SH3PXD2A: variants seen among roughly 807,000 people sequenced by gnomAD.
SH3PXD2A encodes the protein SH3 and PX domains 2A, also known as SH3 and PX domain-containing protein 2A.
In SH3PXD2A, 32 loss-of-function variants were observed where a neutral mutation model predicts 115.2. The observed-to-expected ratio is 0.28, with a 90% CI of 0.21 to 0.37. The LOEUF (loss-of-function observed/expected upper bound fraction) is 0.37. Ranked by LOEUF, SH3PXD2A falls within the 10% of genes least tolerant of loss-of-function variation. The probability of loss-of-function intolerance (pLI) is 1.00; values close to 1 mark genes in which losing one functional copy is unlikely to be tolerated. For synonymous variants in SH3PXD2A, 610 were observed against 629.1 expected, an observed-to-expected ratio of 0.97 and a Z score of 0.45; for missense variants, 1,328 against 1,498.7, an observed-to-expected ratio of 0.89 and a Z score of 1.88.
At chr10:103,794,614 C>G (rs996470167) in intron 2 of SH3PXD2A, among the ~76,000 whole-genome samples, 1 of 152,236 alleles carries the variant, frequency 6.6e-6, no homozygotes, top group African/African-American at 2.4e-5. Flanking sequence ...GCCGCCCCTC[C>G]TCCCACCTCA....
Position 103,599,009 on chromosome 10 carries a change from C to T in SH3PXD2A, c.*2807G>A, listed in dbSNP as rs2036177798. Reference sequence around the variant, plus strand: ...CCACTTTTCCTGGATGCCTGAGCAACTCCCAGCCATCCTTGGGGCTGGATG... The same window carrying T: ...CCACTTTTCCTGGATGCCTGAGCAATTCCCAGCCATCCTTGGGGCTGGATG... On this transcript the variant is annotated 3_prime_UTR_variant, in exon 15 of 15. Transcript: ENST00000369774. The T allele has an allele frequency of 6.6e-6, 1 of 152,612 alleles. No homozygotes were observed. The highest frequency in any genetic ancestry group is 1.5e-5 in the Non-Finnish European group (1 of 68,032). The allele number at this position is 152,612 out of a possible 1,614,324, so 9.5% of individuals were successfully genotyped here.
intron 5 of SH3PXD2A, among the ~76,000 whole-genome samples, chr10:103,722,441 A>G (rs546699913): frequency 6.6e-6 from 1 of 152,000 alleles, no homozygotes; most frequent in East Asian, 1.9e-4. Flanking sequence ...ATTTCTCGCT[A>G]TTCTTTCTTC....
Position 103,603,076 on chromosome 10 carries a change from G to C in SH3PXD2A, c.2142C>G (p.Thr714=), listed in dbSNP as rs767902135. Reference sequence around the variant, plus strand: ...CAGAGCGGGGCTTCAGGTCGCCACTGGTTTTGGACAAGGAAGAGGAGGAGG... The same window carrying C: ...CAGAGCGGGGCTTCAGGTCGCCACTCGTTTTGGACAAGGAAGAGGAGGAGG... The part of the protein sequence containing the change: ...SSSSSSSLSK[T]SGDLKPRSAS... The change falls in exon 15 of 15, where the codon ACC becomes ACG. Residue 714 remains threonine, a synonymous_variant. Transcript: ENST00000369774. The C allele has an allele frequency of 6.2e-7, 1 of 1,613,540 alleles. No homozygotes were observed. Among genetic ancestry groups the C allele is most frequent in the South Asian group, 1.1e-5 (1 of 91,084 alleles).
At chr10:103,853,868 C>T (rs1344181654) in intron 1 of SH3PXD2A, among the ~76,000 whole-genome samples, 1 of 152,218 alleles carries the variant, frequency 6.6e-6, no homozygotes, top group Non-Finnish European at 1.5e-5. Context: ...AGGTTGACCA[C>T]CTGGTGACCC....
intron 1 of SH3PXD2A, among the ~76,000 whole-genome samples, chr10:103,822,977 A>C (rs779642839): frequency 1.5e-4 from 23 of 152,194 alleles, no homozygotes; most frequent in Non-Finnish European, 2.9e-4. Context: ...GAGGAAATAG[A>C]TAGGTCTCAG....
intron 8 of SH3PXD2A, among the ~76,000 whole-genome samples, chr10:103,635,088 G>T (rs1011280742): frequency 6.6e-6 from 1 of 152,200 alleles, no homozygotes; most frequent in Admixed American, 6.5e-5. Context: ...AAACTGCCTT[G>T]AGTGTGTGTG....
At chr10:103,846,148 C>T (rs557531941) in intron 1 of SH3PXD2A, among the ~76,000 whole-genome samples, 2 of 152,374 alleles carry the variant, frequency 1.3e-5, no homozygotes, top group African/African-American at 2.4e-5. Flanking sequence ...CATGGGCCTC[C>T]GCCCAGGCTT....
chr10:103,797,342 C>T (rs895919763), intron 2 of SH3PXD2A, among the ~76,000 whole-genome samples: 3 of 152,116 alleles, frequency 2.0e-5, no homozygotes, highest in Admixed American at 6.5e-5. Context: ...CTGCTCTGCA[C>T]GGTCCTAAGG....
intron 1 of SH3PXD2A, among the ~76,000 whole-genome samples, chr10:103,803,706 G>C (rs531524350): frequency 6.6e-6 from 1 of 152,294 alleles, no homozygotes; most frequent in African/African-American, 2.4e-5. Context: ...CTTTGATCAG[G>C]ACTGAATGAC....
In SH3PXD2A at chr10:103,757,148, G is replaced by A. The variant is rs898843483; in HGVS notation, c.229+9946C>T. On this transcript the variant is annotated intron_variant, in intron 3 of 14. Transcript: ENST00000369774. Reference sequence around the variant, plus strand: ...CTTGTAAAAGGACATTTAGGCATCAGGTAAGGAAAGGATGTATTTCCAGGG... The same window carrying A: ...CTTGTAAAAGGACATTTAGGCATCAAGTAAGGAAAGGATGTATTTCCAGGG... Among the ~76,000 whole-genome samples, 119 of 152,180 alleles carry A rather than the reference G, an allele frequency of 7.8e-4. 1 individual carries two copies. Among genetic ancestry groups the A allele is most frequent in the African/African-American group, 2.8e-3 (114 of 41,436 alleles).
At chr10:103,702,230 A>G (rs1030927894) in intron 5 of SH3PXD2A, among the ~76,000 whole-genome samples, 5 of 152,236 alleles carry the variant, frequency 3.3e-5, no homozygotes, top group Non-Finnish European at 5.9e-5. Flanking sequence ...TCTGTTGTAG[A>G]CCCAGTCTTG....
intron 9 of SH3PXD2A, among the ~76,000 whole-genome samples, chr10:103,622,996 C>G (rs2036630555): frequency 6.6e-6 from 1 of 152,188 alleles, no homozygotes; most frequent in African/African-American, 2.4e-5. Flanking sequence ...TCACTGAGTA[C>G]TGACTGTGAA....
chr10:103,835,853 C>G (rs1287360399), intron 1 of SH3PXD2A, among the ~76,000 whole-genome samples: 1 of 152,184 alleles, frequency 6.6e-6, no homozygotes, highest in East Asian at 1.9e-4. Flanking sequence ...TTCACTGAAG[C>G]CAGAAATCAC....
At chr10:103,819,816 T>C (rs1043337277) in intron 1 of SH3PXD2A, among the ~76,000 whole-genome samples, 11 of 150,852 alleles carry the variant, frequency 7.3e-5, no homozygotes, top group Non-Finnish European at 1.3e-4. Flanking sequence ...GGCAGTGAAA[T>C]GCGTGGGGTC....
chr10:103,808,343 CT>C (rs1484526840), intron 1 of SH3PXD2A, among the ~76,000 whole-genome samples: 1 of 152,066 alleles, frequency 6.6e-6, no homozygotes, highest in African/African-American at 2.4e-5. Flanking sequence ...CCTCCGCCTC[CT>C]GGGTTCAAGA....
Position 103,698,351 on chromosome 10 carries a change from G to A in SH3PXD2A, c.399-5295C>T, listed in dbSNP as rs78177558. 5.0e-4 allele frequency among the ~76,000 whole-genome samples: 76 copies of A among 152,364 alleles called. No individual in the cohort carries two copies. In the East Asian group the frequency reaches 0.013, roughly 25 times the overall value. ...TCACCACTCTCCCTCCCACTGGCAAGTGCCTTGGCAGAGAAGGACACACAC... is the reference window on the plus strand; with the variant it reads ...TCACCACTCTCCCTCCCACTGGCAAATGCCTTGGCAGAGAAGGACACACAC... On this transcript the variant is annotated intron_variant, in intron 5 of 14. Transcript: ENST00000369774.
chr10:103,769,504 A>C (rs2038797152), intron 2 of SH3PXD2A, among the ~76,000 whole-genome samples: 1 of 139,538 alleles, frequency 7.2e-6, no homozygotes. Context: ...GCTGGAGTGC[A>C]GTGGCACGAT....
At chr10:103,825,441 TTTA>T (rs2039421151) in intron 1 of SH3PXD2A, among the ~76,000 whole-genome samples, 1 of 152,186 alleles carries the variant, frequency 6.6e-6, no homozygotes, top group Non-Finnish European at 1.5e-5. Context: ...AGGTGGGTGT[TTTA>T]TTCTTTTTGA....
chr10:103,846,934 T>C (rs1161961269), intron 1 of SH3PXD2A, among the ~76,000 whole-genome samples: 1 of 152,248 alleles, frequency 6.6e-6, no homozygotes, highest in African/African-American at 2.4e-5. Flanking sequence ...TGAGCCTTTG[T>C]GCTGTCACCT....
Sources: gnomAD v4.1 joint callset for allele counts (sites outside exome capture counted in the v4.1 genomes callset) on GRCh38, gnomAD v4.1.1 for gene constraint, MANE v1.5 for transcripts, NCBI Gene and HGNC (gene_info 2026-07-23, HGNC 2026-07-21) for gene names.